ABCA7: variants seen among roughly 807,000 people sequenced by gnomAD.
The protein encoded by ABCA7 is ATP binding cassette subfamily A member 7, also known as phospholipid-transporting ATPase ABCA7.
A neutral mutation model predicts 227.6 loss-of-function variants in ABCA7; 261 were observed. The observed-to-expected ratio is 1.15, with a 90% CI of 1.04 to 1.27. The LOEUF is 1.27. Among genes scored for constraint, ABCA7 ranks in the 50% most tolerant of loss-of-function variants. ABCA7 has a pLI of 0.00. For synonymous variants in ABCA7, 1,488 were observed against 1,279.7 expected (o/e 1.16, Z -3.47); for missense variants, 3,331 against 2,924.5 (o/e 1.14, Z -3.21).
chr19:1,050,210 G>C (rs1364819501), intron 18 of ABCA7, among the ~76,000 whole-genome samples: 1 of 151,032 alleles, frequency 6.6e-6, no homozygotes, highest in Non-Finnish European at 1.5e-5. Flanking sequence ...CAGAGTTTGA[G>C]ACACAGCCTG....
At chr19:1,043,608 G>C (rs2040279574) in intron 9 of ABCA7, 117 bp from the exon 10 acceptor site, 1 of 1,552,348 alleles carries the variant, frequency 6.4e-7, no homozygotes, top group African/African-American at 1.4e-5. Context: ...CGATGGAGGG[G>C]GATCAGCTTG....
rs375548151 is a variant in ABCA7, at chr19:1,053,513, C to T, written c.3405C>T (p.Ser1135=). 19 of 1,569,354 alleles carry T rather than the reference C, an allele frequency of 1.2e-5. No individual in the cohort carries two copies. The highest frequency in any genetic ancestry group is 4.6e-5 in the South Asian group (4 of 86,706). ...AELRLTGYGI[S]DTSLEEIFLK... is the part of the protein sequence containing the mutation. ...TGAGGCTCACTGGCTACGGGATCTCCGACACCAGCCTCGAGGAGGTGTGAG... is the reference window on the plus strand; with the variant it reads ...TGAGGCTCACTGGCTACGGGATCTCTGACACCAGCCTCGAGGAGGTGTGAG... The change falls in exon 24 of 47, where the codon TCC becomes TCT. Residue 1135 remains serine (S), a synonymous_variant. Coordinates refer to ENST00000263094, the MANE Select transcript of ABCA7 (RefSeq NM_019112.4).
chr19:1,046,852 G>A lies in ABCA7; in HGVS notation c.1673G>A (p.Trp558Ter). ...CTGCCGCTCTTCCTGACGCTGGCCT[G>A]GATCTACTCCGTGACACTGACAGTG... ...RSLPLFLTLA[W>*]IYSVTLTVKA... The change falls in exon 14 of 47, where the codon TGG (tryptophan) becomes TAG (stop). Residue 558 changes from tryptophan to a stop codon, truncating the protein, a stop_gained. Coordinates refer to ENST00000263094, the MANE Select transcript of ABCA7 (RefSeq NM_019112.4). LOFTEE classifies it high-confidence loss of function. 6.5e-7 allele frequency: 1 copy of A among 1,543,390 alleles called. No homozygotes were observed. Among genetic ancestry groups the A allele is most frequent in the Non-Finnish European group, 8.7e-7 (1 of 1,148,862 alleles).
rs1448347679 is a variant in ABCA7, at chr19:1,042,058, C to G, written c.303-6C>G. ...ACCCCGCCTCCTGCCCTCTCTCTGT[C>G]CCCAGGGTCTCCCGGCTGCTAGCCG... On this transcript the variant is annotated splice_polypyrimidine_tract_variant and splice_region_variant and intron_variant, in intron 4 of 46. Transcript: ENST00000263094. The G allele has an allele frequency of 6.3e-7, 1 of 1,591,084 alleles. No homozygotes were observed. The highest frequency in any genetic ancestry group is 8.5e-7 in the Non-Finnish European group (1 of 1,175,248).
At position 1,057,367 on chromosome 19, in the gene ABCA7, G is replaced by T. The variant is rs1424401178; in HGVS notation, c.4818G>T (p.Gln1606His). 1.4e-5 allele frequency: 23 copies of T among 1,613,836 alleles called. No individual in the cohort carries two copies. Among genetic ancestry groups the T allele is most frequent in the Non-Finnish European group, 1.9e-5 (22 of 1,180,036 alleles). Residue 1606 changes from glutamine (Q) to histidine (H), a missense_variant, in exon 35 of 47, where the codon CAG (glutamine) becomes CAT (histidine). By Grantham distance (24) the Gln-to-His change is conservative (BLOSUM62 0). Coordinates refer to ENST00000263094, the MANE Select transcript of ABCA7 (RefSeq NM_019112.4). ...CIVVLIFLAF[Q>H]QRAYVAPANL... ...TGGTGCTCATCTTTCTGGCCTTCCAGCAGAGGGCATATGTGGCCCCTGCCA... is the reference window on the plus strand; with the variant it reads ...TGGTGCTCATCTTTCTGGCCTTCCATCAGAGGGCATATGTGGCCCCTGCCA...
chr19:1,042,400 AGGGTGTCGGG>A lies in ABCA7; in HGVS notation c.498+5_498+14del. On this transcript the variant is annotated splice_donor_5th_base_variant and intron_variant, in intron 6 of 46. Transcript: ENST00000263094. ...TGCTGACGTCACTGCTGCGCACGGT[AGGGTGTCGGG>A]GCGGGACCGCGCTGACTTCCTGGGA... is the stretch of plus-strand genomic sequence containing the variant. The A allele has an allele frequency of 6.2e-7, 1 of 1,610,406 alleles. No individual in the cohort carries two copies. The highest frequency in any genetic ancestry group is 8.5e-7 in the Non-Finnish European group (1 of 1,178,070).
intron 35 of ABCA7, among the ~76,000 whole-genome samples, 179 bp downstream of exon 35, chr19:1,057,608 C>T (rs889718635): frequency 6.6e-6 from 1 of 152,054 alleles, no homozygotes; most frequent in Non-Finnish European, 1.5e-5. Flanking sequence ...TCATCTTATC[C>T]TGACTCATAT....
At position 1,046,948 on chromosome 19, in the gene ABCA7, T is replaced by G. The variant is rs2040745581; in HGVS notation, c.1769T>G (p.Val590Gly). 2 of 1,570,084 alleles carry G rather than the reference T, an allele frequency of 1.3e-6. No individual in the cohort carries two copies. The highest frequency in any genetic ancestry group is 1.7e-6 in the Non-Finnish European group (2 of 1,166,302). The part of the protein sequence containing the change: ...TMRAMGLSRA[V>G]LWLGWFLSCL... ...CGCGCCATGGGGCTCAGCCGCGCGGTGCTCTGGCTAGGCTGGTTCCTCAGC... is the reference window on the plus strand; with the variant it reads ...CGCGCCATGGGGCTCAGCCGCGCGGGGCTCTGGCTAGGCTGGTTCCTCAGC... The change falls in exon 14 of 47, where the codon GTG becomes GGG. Residue 590 changes from valine (V) to glycine (G), a missense_variant. Val to Gly is a moderately radical substitution (Grantham distance 109). Coordinates refer to ENST00000263094, the MANE Select transcript of ABCA7 (RefSeq NM_019112.4).
rs192719241 is a variant in ABCA7 at position 1,050,345 on chromosome 19, G to C, written c.2553-576G>C. Among the ~76,000 whole-genome samples the C allele has an allele frequency of 4.4e-3, 664 of 151,960 alleles. 8 individuals carry two copies. Among genetic ancestry groups the C allele is most frequent in the African/African-American group, 0.015 (642 of 41,460 alleles). ...GAGAACTGCTTGAACCCTGGAGGCG[G>C]AGGTTGCAGTGAGCCGAGACTGTGC... On this transcript the variant is annotated intron_variant, in intron 18 of 46. Coordinates refer to ENST00000263094, the MANE Select transcript of ABCA7 (RefSeq NM_019112.4).
Position 1,065,168 on chromosome 19 carries a change from G to A in ABCA7, c.6282G>A (p.Glu2094=). The A allele has an allele frequency of 6.3e-7, 1 of 1,595,040 alleles. No homozygotes were observed. ...TTTCCGTGAGCCAGACGATGCTGGA[G>A]GAGGTGATCACGGCGCCGGGGTCGG... ...EDFSVSQTML[E]EVFLYFSKDQ... is the part of the protein sequence containing the mutation. The change falls in exon 46 of 47, where the codon GAG becomes GAA. Residue 2094 remains glutamate (E), a synonymous_variant. Coordinates refer to ENST00000263094, the MANE Select transcript of ABCA7 (RefSeq NM_019112.4).
intron 37 of ABCA7, among the ~76,000 whole-genome samples, 169 bp downstream of exon 37, chr19:1,058,438 A>AAGCTAATT (rs2042433080): frequency 6.6e-6 from 1 of 151,964 alleles, no homozygotes; most frequent in African/African-American, 2.4e-5. Context: ...CAGCCATAAA[A>AAGCTAATT]AGCTAATTCT....
At position 1,046,999 on chromosome 19, in the gene ABCA7, C is replaced by A. The variant is rs1158488767; in HGVS notation, c.1820C>A (p.Ala607Asp). The A allele has an allele frequency of 4.4e-6, 7 of 1,576,380 alleles. No homozygotes were observed. The highest frequency in any genetic ancestry group is 6.0e-6 in the Non-Finnish European group (7 of 1,164,274). Residue 607 changes from alanine (A) to aspartate (D), a missense_variant, in exon 14 of 47, where the codon GCC becomes GAC. By Grantham distance (126) the Ala-to-Asp change is moderately radical (BLOSUM62 -2). Transcript: ENST00000263094. ...TGCCTCGGGCCCTTCCTGCTCAGCG[C>A]CGCACTGCTGGTTCTGGTGCTCAAG... The part of the protein sequence containing the change: ...LSCLGPFLLS[A>D]ALLVLVLKLG...
chr19:1,050,278 GGCGT>G (rs1319290719), intron 18 of ABCA7, among the ~76,000 whole-genome samples: 1 of 151,896 alleles, frequency 6.6e-6, no homozygotes. Context: ...GTGTGATGGT[GGCGT>G]GCACCTGTAA....
At chr19:1,057,230 AAGG>A in intron 34 of ABCA7, 81 bp from the exon 35 acceptor site, 1 of 1,570,198 alleles carries the variant, frequency 6.4e-7, no homozygotes. Context: ...CTCAAAAAGC[AAGG>A]AGGTCAGGGT....
Position 1,055,088 on chromosome 19 carries a change from T to C in ABCA7, c.3951-9T>C. On this transcript the variant is annotated splice_polypyrimidine_tract_variant and intron_variant, in intron 29 of 46. Transcript: ENST00000263094. ...GCGCCCTTGAGTGTGCACAGCCCAT[T>C]GTCTGCAGGTTCTCGGCACCAGAAG... is the stretch of plus-strand genomic sequence containing the variant. 6 of 1,608,954 alleles carry C rather than the reference T, an allele frequency of 3.7e-6. No individual in the cohort carries two copies. The highest frequency in any genetic ancestry group is 1.1e-5 in the South Asian group (1 of 90,890).
Position 1,056,804 on chromosome 19 carries a change from T to C in ABCA7, c.4587-103T>C. 7.5e-7 allele frequency: 1 copy of C among 1,326,996 alleles called. No homozygotes were observed. The highest frequency in any genetic ancestry group is 1.0e-6 in the Non-Finnish European group (1 of 953,020). The allele number at this position is 1,326,996 out of a possible 1,614,324, so 82.2% of individuals were successfully genotyped here. ...TTGCCCCTGCCATCTCTGCCACTGC[T>C]GACTGCCCCATAGACCTTTGTCCCA... On this transcript the variant is annotated intron_variant, in intron 33 of 46. Coordinates refer to ENST00000263094, the MANE Select transcript of ABCA7 (RefSeq NM_019112.4). The surrounding 1 kb of genome is among the most constrained non-coding windows in gnomAD (Gnocchi z 4.3).
chr19:1,049,395 C>T lies in ABCA7; in HGVS notation c.2510C>T (p.Thr837Ile). 2 of 1,610,618 alleles carry T rather than the reference C, an allele frequency of 1.2e-6. No individual in the cohort carries two copies. The highest frequency in any genetic ancestry group is 1.7e-6 in the Non-Finnish European group (2 of 1,178,604). The part of the protein sequence containing the change: ...LSLDFYQGHI[T>I]AFLGHNGAGK... The stretch of plus-strand genomic sequence containing the variant: ...CTGGACTTCTACCAGGGCCACATCA[C>T]CGCCTTCCTGGGCCACAACGGGGCC... The change falls in exon 18 of 47, where the codon ACC (threonine) becomes ATC (isoleucine). Residue 837 changes from threonine (T) to isoleucine (I), a missense_variant. Transcript: ENST00000263094.
chr19:1,054,090 C>T lies in ABCA7; in HGVS notation c.3557C>T (p.Ala1186Val), dbSNP rs950439606. 9.9e-6 allele frequency: 16 copies of T among 1,613,172 alleles called. No individual in the cohort carries two copies. The highest frequency in any genetic ancestry group is 2.7e-5 in the African/African-American group (2 of 74,902). Residue 1186 changes from alanine (A) to valine (V), a missense_variant, in exon 26 of 47, where the codon GCG (alanine) becomes GTG (valine). Coordinates refer to ENST00000263094, the MANE Select transcript of ABCA7 (RefSeq NM_019112.4). This position sits in a 1 kb window ranked among gnomAD's most constrained non-coding sequence, Gnocchi z 4.8. ...CTCAAGATGCCGCCACAGGAGACAG[C>T]GCTGGAGAACGGGGAACCAGGTAAG... is the stretch of plus-strand genomic sequence containing the variant. Reference protein sequence around the residue: ...LRLKMPPQETALENGEPAGSA... With the variant: ...LRLKMPPQETVLENGEPAGSA...
rs1028283256 is a variant in ABCA7, at chr19:1,053,507, G to T, written c.3399G>T (p.Gly1133=). The T allele has an allele frequency of 1.3e-6, 2 of 1,574,056 alleles. No individual in the cohort carries two copies. Among genetic ancestry groups the T allele is most frequent in the Non-Finnish European group, 1.7e-6 (2 of 1,164,706 alleles). Residue 1133 remains glycine, a synonymous_variant, in exon 24 of 47, where the codon GGG becomes GGT. Coordinates refer to ENST00000263094, the MANE Select transcript of ABCA7 (RefSeq NM_019112.4). ...CGGAGCTGAGGCTCACTGGCTACGG[G>T]ATCTCCGACACCAGCCTCGAGGAGG... ...RLAELRLTGY[G]ISDTSLEEIF... is the part of the protein sequence containing the mutation.
Sources: gnomAD v4.1 joint callset for allele counts (sites outside exome capture counted in the v4.1 genomes callset) on GRCh38, gnomAD v4.1.1 for gene constraint, Gnocchi (gnomAD v3.1) non-coding constraint, MANE v1.5 for transcripts, NCBI Gene and HGNC (gene_info 2026-07-23, HGNC 2026-07-21) for gene names.